Variants in BRCA1 observed in about 807,000 individuals in gnomAD.
BRCA1 encodes breast cancer type 1 susceptibility protein.
Under a neutral mutation model 173.7 loss-of-function variants are expected in BRCA1, and 140 were observed. The observed-to-expected ratio is 0.81, with a 90% CI of 0.70 to 0.93. The LOEUF (loss-of-function observed/expected upper bound fraction) is 0.93. Among genes scored for constraint, BRCA1 ranks in the 40% least tolerant of loss-of-function variants. The pLI, the probability that BRCA1 is intolerant of heterozygous loss-of-function variation, is 0.00. For synonymous variants in BRCA1, 662 were observed against 756.0 expected (o/e 0.88, Z 2.04); for missense variants, 1,983 against 2,172.5 (o/e 0.91, Z 1.73).
Position 43,052,360 on chromosome 17 carries a change from A to G in BRCA1, c.5278-1243T>C, listed in dbSNP as rs4793191. On this transcript the variant is annotated intron_variant, in intron 19 of 22. Transcript: ENST00000357654. Reference sequence around the variant, plus strand: ...CAGTGGCACGATCATAGCTTGCTGCAGTATTGAACTTCTGGGCTCAAGCAA... The same window carrying G: ...CAGTGGCACGATCATAGCTTGCTGCGGTATTGAACTTCTGGGCTCAAGCAA... 0.31 allele frequency among the ~76,000 whole-genome samples: 47,177 copies of G among 151,898 alleles called. 7,704 individuals carry two copies. The highest frequency in any genetic ancestry group is 0.49 in the South Asian group (2,370 of 4,800).
At chr17:43,067,905 A>AAAAG (rs1555579936) in intron 15 of BRCA1, among the ~76,000 whole-genome samples, 4 of 150,120 alleles carry the variant, frequency 2.7e-5, no homozygotes, top group Non-Finnish European at 4.4e-5. Context: ...AAAAAAAAAA[A>AAAAG]AAAAAAATAG....
intron 1 of BRCA1, chr17:43,169,905 C>T: frequency 2.3e-6 from 1 of 437,492 alleles, no homozygotes; most frequent in Non-Finnish European, 4.6e-6. Context: ...GCAGATGTGG[C>T]TCCCAATGTT....
chr17:43,064,045 C>T, intron 16 of BRCA1, 94 bp from the exon 17 acceptor site: 1 of 995,422 alleles, frequency 1.0e-6, no homozygotes, highest in Admixed American at 1.9e-5. Context: ...TTTTTACACT[C>T]CCAAGATCAA....
rs80356880 is a variant in BRCA1 at position 43,115,750 on chromosome 17, G to A, written c.110C>T (p.Thr37Ile). 1 of 1,613,694 alleles carries A rather than the reference G, an allele frequency of 6.2e-7. No individual in the cohort carries two copies. The highest frequency in any genetic ancestry group is 1.3e-5 in the African/African-American group (1 of 75,026). Residue 37 changes from threonine (T) to isoleucine (I), a missense_variant, in exon 3 of 23, where the codon ACA becomes ATA. Thr to Ile is a moderately conservative substitution (Grantham distance 89). Transcript: ENST00000357654. Reference sequence around the variant, plus strand: ...CTTGCAAAATATGTGGTCACACTTTGTGGAGACAGGTTCCTTGATCAACTC... The same window carrying A: ...CTTGCAAAATATGTGGTCACACTTTATGGAGACAGGTTCCTTGATCAACTC... Reference protein sequence around the residue: ...CLELIKEPVSTKCDHIFCKFC... With the variant: ...CLELIKEPVSIKCDHIFCKFC...
At chr17:43,144,598 G>C (rs1353856658) in intron 1 of BRCA1, 1 of 163,418 alleles carries the variant, frequency 6.1e-6, no homozygotes, top group African/African-American at 2.4e-5. Flanking sequence ...TGCGTGGGCC[G>C]CCAGCTTCAG....
Position 43,137,082 on chromosome 17 carries a change from C to G in BRCA1, c.-19-12967G>C, listed in dbSNP as rs143255584. Among the ~76,000 whole-genome samples, 43 of 152,072 alleles carry G rather than the reference C, an allele frequency of 2.8e-4. No individual in the cohort carries two copies. The East Asian group carries it at 8.1e-3, about 29-fold the overall frequency. On this transcript the variant is annotated intron_variant, in intron 1 of 7. Coordinates refer to the BRCA1 transcript ENST00000634433. Reference sequence around the variant, plus strand: ...TTAAGAAAATGTGGCACATATACACCATAATATACTATGCAGTCCTAAAAA... The same window carrying G: ...TTAAGAAAATGTGGCACATATACACGATAATATACTATGCAGTCCTAAAAA...
intron 19 of BRCA1, among the ~76,000 whole-genome samples, chr17:43,053,668 A>G (rs1453057381): frequency 2.7e-5 from 4 of 150,168 alleles, no homozygotes; most frequent in Non-Finnish European, 5.9e-5. Context: ...CTCTGTCTCA[A>G]AAAAAAAAAG....
At chr17:43,137,185 A>G (rs555770796) in intron 1 of BRCA1, among the ~76,000 whole-genome samples, 31 of 151,082 alleles carry the variant, frequency 2.1e-4, no homozygotes, top group African/African-American at 6.8e-4. Context: ...GCAAGGACAG[A>G]AAACCAAACA....
chr17:43,057,327 T>C (rs902846255), intron 18 of BRCA1, among the ~76,000 whole-genome samples, 192 bp from the exon 19 acceptor site: 1 of 151,892 alleles, frequency 6.6e-6, no homozygotes, highest in African/African-American at 2.4e-5. Context: ...CTGACCAACA[T>C]GGTGAAACCT....
chr17:43,104,277 GA>G lies in BRCA1; in HGVS notation c.302-17del. ...CTGTTTGCATCTGTAAAATACAAGG[GA>G]AAACATTATGTTTGCAGTTAGAGAA... On this transcript the variant is annotated splice_polypyrimidine_tract_variant and intron_variant, in intron 5 of 22. Coordinates refer to ENST00000357654, the MANE Select transcript of BRCA1 (RefSeq NM_007294.4). 6.2e-7 allele frequency: 1 copy of G among 1,607,294 alleles called. No homozygotes were observed. Among genetic ancestry groups the G allele is most frequent in the Non-Finnish European group, 8.5e-7 (1 of 1,174,882 alleles).
rs8176218 is a variant in BRCA1, at chr17:43,071,521, G to GAATGTTCACTGTAACAATGCTTGT, written c.4676-284_4676-283insACAAGCATTGTTACAGTGAACATT. Among the ~76,000 whole-genome samples, 48,161 of 151,952 alleles carry GAATGTTCACTGTAACAATGCTTGT rather than the reference G, an allele frequency of 0.32. 7,961 individuals are homozygous for GAATGTTCACTGTAACAATGCTTGT. The highest frequency in any genetic ancestry group is 0.49 in the South Asian group (2,366 of 4,808). On this transcript the variant is annotated intron_variant, in intron 14 of 22. Transcript: ENST00000357654. ...GATATATGCAAAGGTTTAGTCATAG[G>GAATGTTCACTGTAACAATGCTTGT]AATAGTATAATTTTAGAAACAATGT...
At position 43,067,513 on chromosome 17, in the gene BRCA1, C is replaced by T. The variant is rs557352041; in HGVS notation, c.5074+95G>A. On this transcript the variant is annotated intron_variant, in intron 16 of 22. Transcript: ENST00000357654. ...TCGTGATCTGCCCGCCTCGGCCTCC[C>T]AAAGTGCTGCGATTACAGGCATGCG... 12 of 1,044,074 alleles carry T rather than the reference C, an allele frequency of 1.1e-5. No individual in the cohort carries two copies. In the African/African-American group the frequency reaches 1.3e-4, roughly 11 times the overall value. The allele number at this position is 1,044,074 out of a possible 1,614,324, so 64.7% of individuals were successfully genotyped here.
At chr17:43,063,817 TA>T in intron 17 of BRCA1, 56 bp downstream of exon 17, 4 of 1,462,380 alleles carry the variant, frequency 2.7e-6, no homozygotes, top group Non-Finnish European at 3.8e-6. Context: ...ACGTTAGGTG[TA>T]AAAATGCAAT....
chr17:43,133,225 T>A (rs2055986191), intron 1 of BRCA1: 1 of 151,920 alleles, frequency 6.6e-6, no homozygotes, highest in African/African-American at 2.4e-5. Flanking sequence ...TCTCCTAGGT[T>A]AGTCCCAGAG....
Position 43,151,391 on chromosome 17 carries a change from C to A in BRCA1, c.-20+18735G>T, listed in dbSNP as rs938384952. ...GGTTAGGTGTTTGAGACCAGCCTGG[C>A]CAACATAACAAGACCACATCTCTAC... is the stretch of plus-strand genomic sequence containing the variant. On this transcript the variant is annotated intron_variant, in intron 1 of 7. Coordinates refer to the BRCA1 transcript ENST00000634433. 1.0e-3 allele frequency among the ~76,000 whole-genome samples: 153 copies of A among 151,760 alleles called. 2 individuals are homozygous for A. Among genetic ancestry groups the A allele is most frequent in the African/African-American group, 3.6e-3 (149 of 41,394 alleles).
chr17:43,100,803 C>A (rs1399870966), intron 6 of BRCA1, among the ~76,000 whole-genome samples: 1 of 143,334 alleles, frequency 7.0e-6, no homozygotes, highest in Non-Finnish European at 1.5e-5. Flanking sequence ...GTGATCTCGG[C>A]ACACTGCAAC....
intron 13 of BRCA1, 106 bp from the exon 14 acceptor site, chr17:43,074,627 A>T: frequency 9.3e-7 from 1 of 1,076,974 alleles, no homozygotes; most frequent in South Asian, 1.3e-5. Context: ...TGTCAGAGAG[A>T]TCAGAAATGA....
In BRCA1 at chr17:43,094,221, T is replaced by C. The variant is rs80357255; in HGVS notation, c.1310A>G (p.His437Arg). Reference protein sequence around the residue: ...EKIDLLASDPHEALICKSERV... With the variant: ...EKIDLLASDPREALICKSERV... ...TTCACTTTTACATATTAAAGCCTCA[T>C]GAGGATCACTGGCCAGTAAGTCTAT... The change falls in exon 10 of 23, where the codon CAT becomes CGT. Residue 437 changes from histidine to arginine, a missense_variant. Transcript: ENST00000357654. 4 of 1,614,140 alleles carry C rather than the reference T, an allele frequency of 2.5e-6. No homozygotes were observed. The highest frequency in any genetic ancestry group is 2.2e-5 in the East Asian group (1 of 44,880).
rs752088834 is a variant in BRCA1, at chr17:43,106,443, C to T, written c.212+13G>A. ...GGTTGCTTCCAACCTAGCATCATTA[C>T]CAAATTATATACCTTTTGGTTATAT... On this transcript the variant is annotated intron_variant, in intron 4 of 22. Coordinates refer to ENST00000357654, the MANE Select transcript of BRCA1 (RefSeq NM_007294.4). 3 of 1,545,706 alleles carry T rather than the reference C, an allele frequency of 1.9e-6. No individual in the cohort carries two copies. Among genetic ancestry groups the T allele is most frequent in the South Asian group, 2.3e-5 (2 of 87,336 alleles).
Sources: gnomAD v4.1 joint callset for allele counts (sites outside exome capture counted in the v4.1 genomes callset) on GRCh38, gnomAD v4.1.1 for gene constraint, MANE v1.5 for transcripts, NCBI Gene and HGNC (gene_info 2026-07-23, HGNC 2026-07-21) for gene names.